Variants in TEK observed in about 807,000 individuals in gnomAD.
TEK encodes the protein TEK receptor tyrosine kinase, also known as angiopoietin-1 receptor.
TEK carries 43 observed loss-of-function variants against 131.8 expected under a neutral mutation model. The ratio of observed to expected loss-of-function variants is 0.33; its 90% CI spans 0.26 to 0.42. The LOEUF (loss-of-function observed/expected upper bound fraction) is 0.42, where lower values mean the gene tolerates loss of function less well. Ranked by LOEUF, TEK falls within the 10% of genes least tolerant of loss-of-function variation. TEK has a pLI of 1.00. For missense variants in TEK, 1,162 were observed against 1,384.4 expected (o/e 0.84, Z 2.55); for synonymous variants, 580 against 491.6 (o/e 1.18, Z -2.38).
chr9:27,180,225 T>C lies in TEK; in HGVS notation c.902-15T>C. ...CCCTGGATTAATACTGGTTTTTTGA[T>C]GTCTCTGTTTACAGCATGCCACCCT... On this transcript the variant is annotated splice_polypyrimidine_tract_variant and intron_variant, in intron 6 of 22. Transcript: ENST00000380036. The C allele has an allele frequency of 2.5e-6, 4 of 1,613,608 alleles. No homozygotes were observed. Among genetic ancestry groups the C allele is most frequent in the Non-Finnish European group, 2.5e-6 (3 of 1,179,656 alleles).
intron 6 of TEK, 62 bp from the exon 7 acceptor site, chr9:27,180,178 G>T (rs1361970251): frequency 1.2e-5 from 19 of 1,603,472 alleles, no homozygotes; most frequent in Admixed American, 1.7e-5. Context: ...CTAAACACCT[G>T]CAGTCTTAGT....
At chr9:27,207,809 T>G (rs945936674) in intron 15 of TEK, among the ~76,000 whole-genome samples, 10 of 152,212 alleles carry the variant, frequency 6.6e-5, no homozygotes, top group African/African-American at 2.2e-4. Context: ...TATTAAATCA[T>G]CTCTGCTTTC....
chr9:27,176,672 A>C (rs1824183703), intron 6 of TEK, among the ~76,000 whole-genome samples: 1 of 152,260 alleles, frequency 6.6e-6, no homozygotes, highest in African/African-American at 2.4e-5. Flanking sequence ...ATCACCTCAC[A>C]CAGTTATCTG....
intron 1 of TEK, among the ~76,000 whole-genome samples, chr9:27,148,151 G>A (rs1031206279): frequency 7.9e-5 from 12 of 152,282 alleles, no homozygotes; most frequent in Middle Eastern, 3.4e-3. Flanking sequence ...TAGATATTGC[G>A]AGCACGTCCT....
At position 27,212,806 on chromosome 9, in the gene TEK, C is replaced by T. The variant is rs1455660810; in HGVS notation, c.2786C>T (p.Ala929Val). The T allele has an allele frequency of 2.5e-6, 4 of 1,614,082 alleles. No individual in the cohort carries two copies. ...GAGACGGACCCAGCATTTGCCATTG[C>T]CAATAGCACCGCGTCCACACTGTCC... ...VLETDPAFAIANSTASTLSSQ... is the reference protein window; with the variant it reads ...VLETDPAFAIVNSTASTLSSQ... Residue 929 changes from alanine (A) to valine (V), a missense_variant, in exon 17 of 23, where the codon GCC becomes GTC. This residue lies in a region of TEK where 107 missense variants were observed against 173.9 expected (regional missense o/e 0.62). Transcript: ENST00000380036.
chr9:27,200,529 T>C (rs936835931), intron 12 of TEK, among the ~76,000 whole-genome samples: 2 of 152,048 alleles, frequency 1.3e-5, no homozygotes, highest in African/African-American at 4.8e-5. Context: ...CCCTATAGGG[T>C]CAGGAAATCC....
chr9:27,120,406 CTCG>C (rs1236248315), intron 1 of TEK, among the ~76,000 whole-genome samples: 1 of 152,286 alleles, frequency 6.6e-6, no homozygotes, highest in Non-Finnish European at 1.5e-5. Context: ...CTTTAACCTC[CTCG>C]CATGGATTAG....
At chr9:27,139,926 G>A (rs1180198914) in intron 1 of TEK, among the ~76,000 whole-genome samples, 1 of 152,112 alleles carries the variant, frequency 6.6e-6, no homozygotes, top group Non-Finnish European at 1.5e-5. Flanking sequence ...TGCTGCATGG[G>A]CCGCCTATGT....
chr9:27,210,958 T>G lies in TEK; in HGVS notation c.2686+1727T>G, dbSNP rs139932521. Among the ~76,000 whole-genome samples the G allele has an allele frequency of 5.2e-3, 788 of 151,942 alleles. 9 individuals are homozygous for G. The highest frequency in any genetic ancestry group is 0.018 in the African/African-American group (727 of 41,448). ...CAACATGGTGAAACCCTGTCTCTAC[T>G]AAAAATACAAAAAATTAACTGGGCC... On this transcript the variant is annotated intron_variant, in intron 16 of 22. Coordinates refer to ENST00000380036, the MANE Select transcript of TEK (RefSeq NM_000459.5).
chr9:27,180,889 G>A (rs550142783), intron 7 of TEK, among the ~76,000 whole-genome samples: 8 of 152,002 alleles, frequency 5.3e-5, no homozygotes, highest in Non-Finnish European at 1.0e-4. Flanking sequence ...CAGCTTTATA[G>A]AGATACATTT....
At chr9:27,131,457 T>C (rs6475962) in intron 1 of TEK, among the ~76,000 whole-genome samples, 42,311 of 142,070 alleles carry the variant, frequency 0.3, 7,019 homozygotes, top group African/African-American at 0.45. Context: ...CCAGCCTGGG[T>C]AACAGGACAA....
chr9:27,209,069 AT>A, intron 15 of TEK, 51 bp from the exon 16 acceptor site: 1 of 1,323,298 alleles, frequency 7.6e-7, no homozygotes, highest in Non-Finnish European at 1.1e-6. Flanking sequence ...GGGACAGCTG[AT>A]TCTGAAAAGG....
intron 4 of TEK, 121 bp from the exon 5 acceptor site, chr9:27,172,495 G>A (rs1587548718): frequency 2.2e-6 from 3 of 1,372,032 alleles, no homozygotes; most frequent in Admixed American, 2.0e-5. Flanking sequence ...AGAGAGCAGA[G>A]CCTGTATTTT....
chr9:27,217,768 C>G lies in TEK; in HGVS notation c.3062+10C>G, dbSNP rs759856848. 2.5e-6 allele frequency: 4 copies of G among 1,577,722 alleles called. No homozygotes were observed. Among genetic ancestry groups the G allele is most frequent in the Non-Finnish European group, 3.4e-6 (4 of 1,168,580 alleles). ...CAACCAACAGTGATGTGTGAGTAAA[C>G]TTCTTATTGCCAAGGGATTTTTTTT... On this transcript the variant is annotated intron_variant, in intron 19 of 22. Transcript: ENST00000380036.
At chr9:27,164,784 C>A (rs1241428576) in intron 2 of TEK, among the ~76,000 whole-genome samples, 2 of 152,204 alleles carry the variant, frequency 1.3e-5, no homozygotes, top group African/African-American at 4.8e-5. Context: ...GATCCTCCCA[C>A]CTTGGCCTCC....
intron 1 of TEK, among the ~76,000 whole-genome samples, chr9:27,136,164 C>T (rs140622644): frequency 6.6e-6 from 1 of 151,000 alleles, no homozygotes; most frequent in Non-Finnish European, 1.5e-5. Context: ...TCACTGCAAC[C>T]TCCCCATCCC....
chr9:27,225,330 C>T (rs1826273944), intron 21 of TEK, among the ~76,000 whole-genome samples: 1 of 152,172 alleles, frequency 6.6e-6, no homozygotes, highest in African/African-American at 2.4e-5. Context: ...AGCTACCTGA[C>T]TTCAAACTAT....
chr9:27,177,707 G>A (rs751074652), intron 6 of TEK, among the ~76,000 whole-genome samples: 1 of 152,126 alleles, frequency 6.6e-6, no homozygotes, highest in Non-Finnish European at 1.5e-5. Context: ...CTGAGGTCAT[G>A]CCATTGCATT....
intron 4 of TEK, among the ~76,000 whole-genome samples, chr9:27,170,147 T>C (rs1823896131): frequency 1.3e-5 from 2 of 152,054 alleles, no homozygotes; most frequent in Non-Finnish European, 2.9e-5. Context: ...CCATCAAATC[T>C]CATGAGAACT....
Sources: gnomAD v4.1 joint callset for allele counts (sites outside exome capture counted in the v4.1 genomes callset) on GRCh38, gnomAD v4.1.1 for gene constraint, gnomAD v4.1.1 regional missense constraint, MANE v1.5 for transcripts, NCBI Gene and HGNC (gene_info 2026-07-23, HGNC 2026-07-21) for gene names.